Variants in PITPNM2 observed in about 807,000 individuals in gnomAD.
PITPNM2 encodes the protein membrane-associated phosphatidylinositol transfer protein 2.
In PITPNM2, 35 loss-of-function variants were observed where a neutral mutation model predicts 132.2. The ratio of observed to expected loss-of-function variants is 0.26; its 90% confidence interval spans 0.20 to 0.35. The LOEUF (loss-of-function observed/expected upper bound fraction) is 0.35, where lower values mean the gene tolerates loss of function less well. Ranked by LOEUF, PITPNM2 falls within the 10% of genes least tolerant of loss-of-function variation. The pLI, the probability that PITPNM2 is intolerant of heterozygous loss-of-function variation, is 1.00. For synonymous variants in PITPNM2, 738 were observed against 799.2 expected, an observed-to-expected ratio of 0.92 and a Z score of 1.29; for missense variants, 1,332 against 1,912.0, an observed-to-expected ratio of 0.70 and a Z score of 5.66.
intron 19 of PITPNM2, among the ~76,000 whole-genome samples, 159 bp from the exon 20 acceptor site, chr12:122,988,509 G>A (rs2038037696): frequency 6.6e-6 from 1 of 152,150 alleles, no homozygotes; most frequent in African/African-American, 2.4e-5. Context: ...TCAGACCCCT[G>A]TTCGTTCACC....
At chr12:123,033,402 C>A (rs930007501) in intron 3 of PITPNM2, among the ~76,000 whole-genome samples, 1 of 152,192 alleles carries the variant, frequency 6.6e-6, no homozygotes, top group African/African-American at 2.4e-5. Flanking sequence ...GAGCAGTGGT[C>A]CCATCTGGGG....
At chr12:122,999,097 T>G (rs1389912827) in intron 10 of PITPNM2, among the ~76,000 whole-genome samples, 2 of 139,818 alleles carry the variant, frequency 1.4e-5, no homozygotes, top group African/African-American at 2.7e-5. Flanking sequence ...GGTCACAGAG[T>G]GAGACCCTGT....
intron 3 of PITPNM2, among the ~76,000 whole-genome samples, chr12:123,014,660 C>T (rs2039353490): frequency 6.6e-6 from 1 of 152,186 alleles, no homozygotes; most frequent in Non-Finnish European, 1.5e-5. Context: ...TGAGATCACG[C>T]CTCTGCACTC....
intron 2 of PITPNM2, among the ~76,000 whole-genome samples, chr12:123,047,980 TC>T (rs986963877): frequency 2.0e-5 from 3 of 151,746 alleles, no homozygotes; most frequent in African/African-American, 7.3e-5. Flanking sequence ...ACACTTGTAG[TC>T]CCAGCTACCC....
rs2040107635 is a variant in PITPNM2, at chr12:123,031,978, A to C, written c.78+2535T>G. On this transcript the variant is annotated intron_variant, in intron 3 of 25. Transcript: ENST00000320201. This position sits in a 1 kb window ranked among gnomAD's most constrained non-coding sequence, Gnocchi z 4.5. Reference sequence around the variant, plus strand: ...ACAAGCTCTCACGAAGGGCCCTGAGAGTGCTGATGCTCACGATCTGCAAGG... The same window carrying C: ...ACAAGCTCTCACGAAGGGCCCTGAGCGTGCTGATGCTCACGATCTGCAAGG... Among the ~76,000 whole-genome samples, 1 of 152,162 alleles carries C rather than the reference A, an allele frequency of 6.6e-6. No homozygotes were observed. Among genetic ancestry groups the C allele is most frequent in the South Asian group, 2.1e-4 (1 of 4,826 alleles).
rs2038286189 is a variant in PITPNM2 at position 122,993,431 on chromosome 12, C to T, written c.2234-762G>A. On this transcript the variant is annotated intron_variant, in intron 15 of 25. Transcript: ENST00000320201. The surrounding 1 kb of genome is among the most constrained non-coding windows in gnomAD (Gnocchi z 5.2). Reference sequence around the variant, plus strand: ...GTGCTGTATCTCACTTTTAGAGGGACATAAACCAGAACATATGCTATGCCT... The same window carrying T: ...GTGCTGTATCTCACTTTTAGAGGGATATAAACCAGAACATATGCTATGCCT... Among the ~76,000 whole-genome samples the T allele has an allele frequency of 6.6e-6, 1 of 152,228 alleles. No individual in the cohort carries two copies.
chr12:123,031,179 T>C lies in PITPNM2; in HGVS notation c.78+3334A>G, dbSNP rs1592958840. Among the ~76,000 whole-genome samples, 1 of 152,336 alleles carries C rather than the reference T, an allele frequency of 6.6e-6. No individual in the cohort carries two copies. The highest frequency in any genetic ancestry group is 1.9e-4 in the East Asian group (1 of 5,184). ...AAAAGCAAAACAAGACAACAACCAA[T>C]CAAGTAAGCCCAAAGCCCCTAGTCC... On this transcript the variant is annotated intron_variant, in intron 3 of 25. Transcript: ENST00000320201. This position sits in a 1 kb window ranked among gnomAD's most constrained non-coding sequence, Gnocchi z 4.5.
upstream of PITPNM2, among the ~76,000 whole-genome samples, chr12:123,151,723 G>C (rs1433664469): frequency 6.6e-6 from 1 of 152,182 alleles, no homozygotes; most frequent in Non-Finnish European, 1.5e-5. Flanking sequence ...AGAGCCCCCG[G>C]TGGGGGAGCG....
At chr12:123,073,361 T>C (rs1190684828) in intron 2 of PITPNM2, among the ~76,000 whole-genome samples, 1 of 152,204 alleles carries the variant, frequency 6.6e-6, no homozygotes, top group Non-Finnish European at 1.5e-5. Context: ...TGTGCATCTC[T>C]GGGCATAAAC....
At chr12:123,003,802 C>A (rs2038799031) in intron 8 of PITPNM2, among the ~76,000 whole-genome samples, 1 of 152,232 alleles carries the variant, frequency 6.6e-6, no homozygotes, top group African/African-American at 2.4e-5. Flanking sequence ...CACCTGCTGG[C>A]CCCTCCAGCT....
intron 2 of PITPNM2, among the ~76,000 whole-genome samples, chr12:123,098,976 G>A (rs1394746136): frequency 1.3e-5 from 2 of 152,100 alleles, no homozygotes; most frequent in Non-Finnish European, 2.9e-5. Context: ...ATCCTTCAAA[G>A]CCCATTTGAA....
At chr12:123,137,603 G>A (rs1211945356) in intron 1 of PITPNM2, among the ~76,000 whole-genome samples, 1 of 152,132 alleles carries the variant, frequency 6.6e-6, no homozygotes, top group African/African-American at 2.4e-5. Context: ...ACAGAAAGGT[G>A]CTCTCGTGGC....
At chr12:122,990,014 G>A (rs1018094916) in intron 17 of PITPNM2, 66 bp from the exon 18 acceptor site, 1 of 1,223,188 alleles carries the variant, frequency 8.2e-7, no homozygotes. Context: ...GTCTACCAGG[G>A]GCCAGGCAGG....
intron 3 of PITPNM2, among the ~76,000 whole-genome samples, chr12:123,033,042 T>C (rs903603341): frequency 1.3e-5 from 2 of 152,048 alleles, no homozygotes; most frequent in African/African-American, 4.8e-5. Context: ...GGGTGGAAGG[T>C]GGGAGCCCAA....
intron 13 of PITPNM2, 89 bp from the exon 14 acceptor site, chr12:122,995,749 C>T (rs781676319): frequency 6.2e-6 from 9 of 1,444,544 alleles, no homozygotes; most frequent in East Asian, 5.0e-5. Context: ...TCCCTCCTAA[C>T]CCCAGGCCAA....
chr12:123,105,204 A>C (rs1484407695), intron 2 of PITPNM2, among the ~76,000 whole-genome samples: 1 of 151,894 alleles, frequency 6.6e-6, no homozygotes, highest in African/African-American at 2.4e-5. Context: ...TGCTTCTGCA[A>C]CTCTGATCAC....
chr12:123,045,227 AG>A (rs1423402738), intron 2 of PITPNM2, among the ~76,000 whole-genome samples: 3 of 152,178 alleles, frequency 2.0e-5, no homozygotes, highest in Non-Finnish European at 4.4e-5. Context: ...AACATGCCAC[AG>A]CCCCCCTCAA....
chr12:123,103,560 G>T (rs2042618222), intron 2 of PITPNM2, among the ~76,000 whole-genome samples: 1 of 152,192 alleles, frequency 6.6e-6, no homozygotes, highest in Non-Finnish European at 1.5e-5. Context: ...GGCCTCTGTG[G>T]GTGCTGTCAG....
chr12:123,007,681 T>C (rs2039000558), intron 6 of PITPNM2, among the ~76,000 whole-genome samples: 1 of 152,118 alleles, frequency 6.6e-6, no homozygotes, highest in Non-Finnish European at 1.5e-5. Flanking sequence ...TGTGGCACAC[T>C]GAAGAGCCTT....
Sources: allele counts gnomAD v4.1 joint callset (sites outside exome capture counted in the v4.1 genomes callset), GRCh38; gene constraint gnomAD v4.1.1; non-coding constraint Gnocchi (gnomAD v3.1); transcripts MANE v1.5; gene names NCBI Gene and HGNC (gene_info 2026-07-23, HGNC 2026-07-21).